Variants in ITGA11 observed in about 807,000 individuals in gnomAD.
The protein encoded by ITGA11 is integrin alpha-11.
In ITGA11, 97 loss-of-function variants were observed where a neutral mutation model predicts 141.9. That is an observed-to-expected ratio of 0.68 (90% CI 0.58 to 0.81). The LOEUF (loss-of-function observed/expected upper bound fraction) is 0.81. Among genes scored for constraint, ITGA11 ranks in the 30% least tolerant of loss-of-function variants. ITGA11 has a pLI of 0.00. For synonymous variants in ITGA11, 658 were observed against 624.6 expected (o/e 1.05, Z -0.80); for missense variants, 1,387 against 1,559.2 (o/e 0.89, Z 1.86).
chr15:68,320,888 A>G (rs2140287934), intron 19 of ITGA11, among the ~76,000 whole-genome samples: 1 of 152,364 alleles, frequency 6.6e-6, no homozygotes, highest in African/African-American at 2.4e-5. Flanking sequence ...AGCATAAATT[A>G]TTGGAAAATA....
At position 68,348,818 on chromosome 15, in the gene ITGA11, T is replaced by C. The variant is rs1161813239; in HGVS notation, c.1131+12A>G. ...AGAGGCTGGGCTCTGTGCCCGTACC[T>C]CCACCACATACCTCCACCACGTGCG... On this transcript the variant is annotated intron_variant, in intron 10 of 29. Coordinates refer to ENST00000315757, the MANE Select transcript of ITGA11 (RefSeq NM_001004439.2). 2 of 1,603,786 alleles carry C rather than the reference T, an allele frequency of 1.2e-6. No individual in the cohort carries two copies. Among genetic ancestry groups the C allele is most frequent in the Non-Finnish European group, 1.7e-6 (2 of 1,175,078 alleles).
At chr15:68,354,965 A>G (rs1049950804) in intron 7 of ITGA11, among the ~76,000 whole-genome samples, 5 of 152,224 alleles carry the variant, frequency 3.3e-5, no homozygotes, top group African/African-American at 7.2e-5. Flanking sequence ...AAGTTTGGGA[A>G]GATCAGAATT....
In ITGA11 at chr15:68,348,907, C is replaced by G. The variant is rs1894822665; in HGVS notation, c.1061-7G>C. 3 of 1,601,354 alleles carry G rather than the reference C, an allele frequency of 1.9e-6. No homozygotes were observed. Among genetic ancestry groups the G allele is most frequent in the Non-Finnish European group, 2.6e-6 (3 of 1,173,826 alleles). The stretch of plus-strand genomic sequence containing the variant: ...GTCTCGTTCTTGTTGGTGCCTGCAA[C>G]AGAGTGACAGAGAGATGTCAGCTCC... On this transcript the variant is annotated splice_region_variant and splice_polypyrimidine_tract_variant and intron_variant, in intron 9 of 29. Transcript: ENST00000315757.
chr15:68,360,220 G>A (rs1335155219), intron 5 of ITGA11, among the ~76,000 whole-genome samples: 1 of 152,206 alleles, frequency 6.6e-6, no homozygotes, highest in Non-Finnish European at 1.5e-5. Context: ...CTATGTGCTG[G>A]AGCTCTGCAT....
intron 24 of ITGA11, among the ~76,000 whole-genome samples, chr15:68,312,246 G>A (rs777004988): frequency 6.6e-6 from 1 of 152,162 alleles, no homozygotes; most frequent in Non-Finnish European, 1.5e-5. Flanking sequence ...TCTGGATAAA[G>A]AGAGGTCACT....
chr15:68,350,291 C>T (rs1315844438), intron 9 of ITGA11, among the ~76,000 whole-genome samples: 1 of 152,060 alleles, frequency 6.6e-6, no homozygotes, highest in African/African-American at 2.4e-5. Flanking sequence ...CTCAAGCGAT[C>T]CTCCCACCTC....
intron 11 of ITGA11, among the ~76,000 whole-genome samples, chr15:68,337,996 T>C (rs759853079): frequency 1.1e-4 from 17 of 152,188 alleles, no homozygotes; most frequent in Non-Finnish European, 2.4e-4. Flanking sequence ...ACCAGCTCGC[T>C]GGACCATGGC....
intron 13 of ITGA11, 87 bp from the exon 14 acceptor site, chr15:68,332,149 C>A: frequency 2.3e-6 from 3 of 1,284,120 alleles, no homozygotes; most frequent in Non-Finnish European, 3.3e-6. Flanking sequence ...GCTCCGGCAT[C>A]CTCTCACCAC....
At chr15:68,332,233 G>A in intron 13 of ITGA11, 105 bp downstream of exon 13, 1 of 1,375,424 alleles carries the variant, frequency 7.3e-7, no homozygotes, top group Non-Finnish European at 9.9e-7. Flanking sequence ...CCCAGGCCTG[G>A]CTCCAGCACT....
Position 68,402,977 on chromosome 15 carries a change from G to A in ITGA11, c.105C>T (p.Gly35=). 6.2e-7 allele frequency: 1 copy of A among 1,613,810 alleles called. No individual in the cohort carries two copies. Among genetic ancestry groups the A allele is most frequent in the Non-Finnish European group, 8.5e-7 (1 of 1,179,800 alleles). The change falls in exon 2 of 30, where the codon GGC becomes GGT. Residue 35 remains glycine (G), a synonymous_variant. Coordinates refer to ENST00000315757, the MANE Select transcript of ITGA11 (RefSeq NM_001004439.2). ...TGTAGCCAAAGAAGGCGGTCCTGGA[G>A]CCAGGGATGACCCGGGGCTTCCTGG... ...MDTRKPRVIP[G]SRTAFFGYTV...
Position 68,363,281 on chromosome 15 carries a change from T to A in ITGA11, c.357+1426A>T, listed in dbSNP as rs911031268. The stretch of plus-strand genomic sequence containing the variant: ...CTACTCACAGAGGCCCCAGAGAATA[T>A]ATCACACCATTCCTCTCAGACCTTC... On this transcript the variant is annotated intron_variant, in intron 4 of 29. Transcript: ENST00000315757. Among the ~76,000 whole-genome samples, 3 of 152,066 alleles carry A rather than the reference T, an allele frequency of 2.0e-5. 1 individual carries two copies. In the South Asian group the frequency reaches 6.2e-4, roughly 32 times the overall value.
chr15:68,334,246 C>T (rs768519765), intron 12 of ITGA11, among the ~76,000 whole-genome samples: 18 of 152,240 alleles, frequency 1.2e-4, no homozygotes, highest in East Asian at 3.9e-4. Flanking sequence ...AAGGGGAAGG[C>T]GCCCTGTTCG....
At position 68,400,518 on chromosome 15, in the gene ITGA11, A is replaced by G. The variant is rs75259563; in HGVS notation, c.164+2400T>C. On this transcript the variant is annotated intron_variant, in intron 2 of 29. Coordinates refer to ENST00000315757, the MANE Select transcript of ITGA11 (RefSeq NM_001004439.2). ...GGGAACAGATATTTGCAATGCTTCT[A>G]TGTCACAAAGGAAGTGTATACAGAA... 1.4e-3 allele frequency among the ~76,000 whole-genome samples: 185 copies of G among 130,920 alleles called. 1 individual carries two copies. The highest frequency in any genetic ancestry group is 5.0e-3 in the African/African-American group (172 of 34,738). The allele number at this position is 130,920 out of a possible 152,430, so 85.9% of individuals were successfully genotyped here. A position where few individuals can be genotyped will look rare whatever the true frequency, so the allele number is the denominator to read the frequency against.
chr15:68,327,201 C>G (rs148777161), intron 16 of ITGA11, among the ~76,000 whole-genome samples: 1 of 152,130 alleles, frequency 6.6e-6, no homozygotes, highest in African/African-American at 2.4e-5. Flanking sequence ...AGAGCCTTTG[C>G]TGGGTACTTC....
chr15:68,380,976 C>T (rs1450414924), intron 2 of ITGA11, among the ~76,000 whole-genome samples: 1 of 152,208 alleles, frequency 6.6e-6, no homozygotes, highest in East Asian at 1.9e-4. Flanking sequence ...CAGGTTGCCC[C>T]TACCTGCTTT....
rs376413299 is a variant in ITGA11, at chr15:68,393,120, C to T, written c.164+9798G>A. Among the ~76,000 whole-genome samples, 17 of 152,132 alleles carry T rather than the reference C, an allele frequency of 1.1e-4. No individual in the cohort carries two copies. The South Asian group carries it at 1.2e-3, about 11-fold the overall frequency. ...AGTATATCGAATGGGTTTAGCTGCA[C>T]AATGGATACAGCAGAAAGCTGGATT... On this transcript the variant is annotated intron_variant, in intron 2 of 29. Transcript: ENST00000315757.
At chr15:68,352,913 C>T (rs1255493651) in intron 7 of ITGA11, among the ~76,000 whole-genome samples, 1 of 152,208 alleles carries the variant, frequency 6.6e-6, no homozygotes, top group African/African-American at 2.4e-5. Context: ...GGCCGGCCCT[C>T]CTTTAGACCA....
chr15:68,358,597 G>A lies in ITGA11; in HGVS notation c.473-12C>T, dbSNP rs369897438. The A allele has an allele frequency of 5.0e-5, 81 of 1,607,478 alleles. No homozygotes were observed. In the African/African-American group the frequency reaches 9.4e-4, roughly 19 times the overall value. ...GTAGGTCTGGCACCCTGGAAAGTGG[G>A]GACACAGTTATGGCTACCCAAGGAG... is the stretch of plus-strand genomic sequence containing the variant. On this transcript the variant is annotated splice_polypyrimidine_tract_variant and intron_variant, in intron 5 of 29. Transcript: ENST00000315757.
chr15:68,401,783 A>G (rs1896517098), intron 2 of ITGA11, among the ~76,000 whole-genome samples: 1 of 152,178 alleles, frequency 6.6e-6, no homozygotes, highest in African/African-American at 2.4e-5. Context: ...GGTGTATATC[A>G]TGGAAGTTCG....
Sources: gnomAD v4.1 joint callset for allele counts (sites outside exome capture counted in the v4.1 genomes callset) on GRCh38, gnomAD v4.1.1 for gene constraint, MANE v1.5 for transcripts, NCBI Gene and HGNC (gene_info 2026-07-23, HGNC 2026-07-21) for gene names.